Variants in SGCD observed in about 807,000 individuals in gnomAD.
SGCD encodes sarcoglycan delta.
A neutral mutation model predicts 36.6 loss-of-function variants in SGCD; 18 were observed. The observed-to-expected ratio is 0.49, with a 90% CI of 0.34 to 0.73. The LOEUF is 0.73. SGCD is among the 30% of genes least tolerant of loss of function. SGCD has a pLI of 0.01. For synonymous variants in SGCD, 133 were observed against 130.6 expected (o/e 1.02, Z -0.12); for missense variants, 387 against 346.7 (o/e 1.12, Z -0.92).
intron 1 of SGCD, among the ~76,000 whole-genome samples, chr5:155,876,258 T>C (rs1236409877): frequency 7.2e-6 from 1 of 138,434 alleles, no homozygotes; most frequent in African/African-American, 2.7e-5. Context: ...GTCCATGTGA[T>C]CTCATTGTTC....
chr5:156,453,862 T>C (rs73295156), intron 3 of SGCD, among the ~76,000 whole-genome samples: 119 of 152,304 alleles, frequency 7.8e-4, no homozygotes, highest in African/African-American at 2.7e-3. Flanking sequence ...AAGCCAGACA[T>C]AGAAGAGTAT....
At chr5:156,545,368 G>T (rs1758529446) in intron 4 of SGCD, among the ~76,000 whole-genome samples, 1 of 152,144 alleles carries the variant, frequency 6.6e-6, no homozygotes, top group Admixed American at 6.5e-5. Context: ...TGAACAAGAT[G>T]CTAAGCCTCG....
At chr5:156,270,668 C>A (rs1178792700) in intron 3 of SGCD, among the ~76,000 whole-genome samples, 4 of 152,082 alleles carry the variant, frequency 2.6e-5, no homozygotes, top group Admixed American at 6.6e-5. Flanking sequence ...ACTCTAGAAC[C>A]AAAGGACCTG....
chr5:156,415,285 G>A (rs891361617), intron 3 of SGCD, among the ~76,000 whole-genome samples: 1 of 152,120 alleles, frequency 6.6e-6, no homozygotes, highest in East Asian at 1.9e-4. Flanking sequence ...TCAGAGCACT[G>A]CCCTGCTCTT....
chr5:156,423,395 ATTTT>A (rs1275418708), intron 3 of SGCD, among the ~76,000 whole-genome samples: 7 of 90,952 alleles, frequency 7.7e-5, no homozygotes, highest in African/African-American at 2.0e-4. Flanking sequence ...AATATATTAT[ATTTT>A]ATTATAATAT....
chr5:155,759,079 T>C, the SGCD span, among the ~76,000 whole-genome samples: 1 of 152,122 alleles, frequency 6.6e-6, no homozygotes, highest in African/African-American at 2.4e-5. Flanking sequence ...TAGGCTCAAG[T>C]GATCCTCCTG....
At chr5:156,487,574 G>A (rs1403064564) in intron 3 of SGCD, among the ~76,000 whole-genome samples, 1 of 151,928 alleles carries the variant, frequency 6.6e-6, no homozygotes, top group Non-Finnish European at 1.5e-5. Context: ...TGGATCACGA[G>A]GTCAGAAGTT....
intron 4 of SGCD, among the ~76,000 whole-genome samples, chr5:156,564,113 A>AT (rs1440771488): frequency 2.0e-5 from 3 of 152,198 alleles, no homozygotes; most frequent in African/African-American, 7.2e-5. Context: ...TCAAAACACT[A>AT]TTGTTTTTAG....
chr5:156,103,185 G>A (rs879655149), intron 1 of SGCD, among the ~76,000 whole-genome samples: 2 of 152,136 alleles, frequency 1.3e-5, no homozygotes, highest in Non-Finnish European at 2.9e-5. Context: ...AGATTCCCAT[G>A]ATATCAGAAT....
In SGCD at chr5:156,344,629, G is replaced by A; in HGVS notation, c.144G>A (p.Val48=). The stretch of plus-strand genomic sequence containing the variant: ...TGCTCCTCATGATTTTAATACTGGT[G>A]AACTTGGCCATGACCATCTGGATTC... ...FVLLLMILIL[V]NLAMTIWILK... is the part of the protein sequence containing the mutation. Residue 48 remains valine, a synonymous_variant, in exon 3 of 9, where the codon GTG becomes GTA. Transcript: ENST00000337851. 1 of 1,611,862 alleles carries A rather than the reference G, an allele frequency of 6.2e-7. No individual in the cohort carries two copies. Among genetic ancestry groups the A allele is most frequent in the Non-Finnish European group, 8.5e-7 (1 of 1,178,984 alleles).
chr5:156,273,677 G>A (rs1450030042), intron 3 of SGCD, among the ~76,000 whole-genome samples: 2 of 152,114 alleles, frequency 1.3e-5, no homozygotes, highest in Non-Finnish European at 1.5e-5. Context: ...TTTGCTATGC[G>A]GGACACTTTC....
intron 1 of SGCD, among the ~76,000 whole-genome samples, chr5:156,021,807 GAA>G (rs1401492983): frequency 6.6e-6 from 1 of 152,160 alleles, no homozygotes; most frequent in Non-Finnish European, 1.5e-5. Context: ...GAAAGCATGA[GAA>G]GAGTGATTCG....
chr5:155,918,492 G>A (rs190082956), intron 1 of SGCD, among the ~76,000 whole-genome samples: 392 of 152,342 alleles, frequency 2.6e-3, no homozygotes, highest in Non-Finnish European at 2.9e-3. Context: ...GAACCTAGGA[G>A]GCGGAGTTTG....
At chr5:156,474,966 C>T (rs544239301) in intron 3 of SGCD, among the ~76,000 whole-genome samples, 2 of 152,186 alleles carry the variant, frequency 1.3e-5, no homozygotes, top group South Asian at 4.1e-4. Flanking sequence ...GTTGTAAAGA[C>T]TAAATGAGCT....
At chr5:156,514,188 A>G (rs1010569414) in intron 4 of SGCD, among the ~76,000 whole-genome samples, 1 of 152,250 alleles carries the variant, frequency 6.6e-6, no homozygotes, top group African/African-American at 2.4e-5. Context: ...GGATTCATTC[A>G]TTCTTAGACA....
At chr5:156,699,676 C>CTT (rs1244833977) in intron 7 of SGCD, among the ~76,000 whole-genome samples, 3 of 152,148 alleles carry the variant, frequency 2.0e-5, no homozygotes, top group African/African-American at 7.2e-5. Context: ...TAGGACCTAG[C>CTT]TGTCAGTTCA....
chr5:156,294,714 C>A (rs557002518), intron 3 of SGCD, among the ~76,000 whole-genome samples: 5 of 152,152 alleles, frequency 3.3e-5, no homozygotes, highest in African/African-American at 1.2e-4. Context: ...TTGTCAAATG[C>A]TTTTTATGTA....
intron 3 of SGCD, among the ~76,000 whole-genome samples, chr5:156,220,516 T>G (rs371807422): frequency 1.8e-4 from 28 of 152,266 alleles, no homozygotes; most frequent in Middle Eastern, 6.8e-3. Context: ...TAAGTGATGT[T>G]ATGAATGGTG....
chr5:156,700,079 C>T (rs576890802), intron 7 of SGCD, among the ~76,000 whole-genome samples: 84 of 152,274 alleles, frequency 5.5e-4, no homozygotes, highest in Non-Finnish European at 2.8e-4. Flanking sequence ...CCATCATTCC[C>T]GCCCAACTAA....
Sources: allele counts gnomAD v4.1 joint callset (sites outside exome capture counted in the v4.1 genomes callset), GRCh38; gene constraint gnomAD v4.1.1; transcripts MANE v1.5; gene names NCBI Gene and HGNC (gene_info 2026-07-23, HGNC 2026-07-21).